GLIS3: variants seen among roughly 807,000 people sequenced by gnomAD.
The protein encoded by GLIS3 is GLIS family zinc finger 3.
In GLIS3, 53 loss-of-function variants were observed where a neutral mutation model predicts 78.6. The observed-to-expected ratio is 0.67, with a 90% CI of 0.54 to 0.85. The LOEUF (loss-of-function observed/expected upper bound fraction) is 0.85, where lower values mean the gene tolerates loss of function less well. Among genes scored for constraint, GLIS3 ranks in the 40% least tolerant of loss-of-function variants. The pLI is 0.00. For missense variants in GLIS3, 1,703 were observed against 1,231.1 expected, an observed-to-expected ratio of 1.38 and a Z score of -5.74; for synonymous variants, 684 against 509.9, an observed-to-expected ratio of 1.34 and a Z score of -4.60.
intron 4 of GLIS3, among the ~76,000 whole-genome samples, chr9:4,115,965 C>T (rs1314600671): frequency 6.6e-6 from 1 of 152,136 alleles, no homozygotes; most frequent in East Asian, 1.9e-4. Flanking sequence ...TATGCATAAG[C>T]CTGCGAACAT....
chr9:4,231,902 G>A (rs1387710768), intron 2 of GLIS3, among the ~76,000 whole-genome samples: 2 of 152,176 alleles, frequency 1.3e-5, no homozygotes, highest in South Asian at 2.1e-4. Context: ...AAAGCCCTGT[G>A]GTTGTCATTA....
At chr9:4,090,355 A>G (rs1475561148) in intron 4 of GLIS3, among the ~76,000 whole-genome samples, 1 of 152,144 alleles carries the variant, frequency 6.6e-6, no homozygotes, top group African/African-American at 2.4e-5. Flanking sequence ...CGAGGATCTA[A>G]AACTGATTCA....
At chr9:3,953,078 T>C (rs1365645345) in intron 4 of GLIS3, among the ~76,000 whole-genome samples, 1 of 152,210 alleles carries the variant, frequency 6.6e-6, no homozygotes, top group African/African-American at 2.4e-5. Flanking sequence ...CTTGTTTTTT[T>C]CTGGGATTTG....
intron 2 of GLIS3, among the ~76,000 whole-genome samples, chr9:4,132,953 T>C (rs1253132757): frequency 6.6e-6 from 1 of 152,094 alleles, no homozygotes; most frequent in Non-Finnish European, 1.5e-5. Flanking sequence ...AATACCTAAC[T>C]CATAAGGTTG....
chr9:3,968,575 T>C (rs1035202739), intron 4 of GLIS3, among the ~76,000 whole-genome samples: 3 of 152,288 alleles, frequency 2.0e-5, no homozygotes, highest in African/African-American at 7.2e-5. Context: ...GCTAAGGTAT[T>C]GTATTTTTAT....
chr9:4,261,726 T>C (rs1825545925), intron 2 of GLIS3, among the ~76,000 whole-genome samples: 1 of 152,166 alleles, frequency 6.6e-6, no homozygotes, highest in Non-Finnish European at 1.5e-5. Context: ...AAACCCGCAA[T>C]TTCACTAAAC....
the GLIS3 span, among the ~76,000 whole-genome samples, chr9:4,468,644 G>T: frequency 6.6e-6 from 1 of 152,206 alleles, no homozygotes; most frequent in South Asian, 2.1e-4. Context: ...AGCACTAAAC[G>T]TGGAAAGGAA....
At chr9:4,139,592 C>T (rs1337101912) in intron 2 of GLIS3, among the ~76,000 whole-genome samples, 1 of 152,046 alleles carries the variant, frequency 6.6e-6, no homozygotes, top group African/African-American at 2.4e-5. Flanking sequence ...GGAGGGTAGT[C>T]TAAGCCAGCA....
At chr9:4,024,062 C>T (rs1326482585) in intron 4 of GLIS3, among the ~76,000 whole-genome samples, 4 of 151,950 alleles carry the variant, frequency 2.6e-5, no homozygotes, top group Admixed American at 6.5e-5. Flanking sequence ...TGGTCCTCCT[C>T]CACAGGTGGT....
chr9:3,944,112 G>A (rs902064594), intron 4 of GLIS3, among the ~76,000 whole-genome samples: 12 of 152,162 alleles, frequency 7.9e-5, no homozygotes, highest in African/African-American at 2.9e-4. Context: ...TTTGGGTCAT[G>A]AGGAAGCAGC....
chr9:4,413,933 T>C, the GLIS3 span, among the ~76,000 whole-genome samples: 69 of 152,294 alleles, frequency 4.5e-4, no homozygotes, highest in African/African-American at 1.6e-3. Flanking sequence ...GGAATTTAAC[T>C]ATACCCAAGG....
chr9:4,143,046 CA>C (rs1244842187), intron 2 of GLIS3, among the ~76,000 whole-genome samples: 1 of 151,776 alleles, frequency 6.6e-6, no homozygotes, highest in Non-Finnish European at 1.5e-5. Flanking sequence ...GCAAAATATC[CA>C]GAAAAAAAGA....
At chr9:4,439,000 G>C in the GLIS3 span, among the ~76,000 whole-genome samples, 6 of 152,236 alleles carry the variant, frequency 3.9e-5, no homozygotes, top group Admixed American at 1.3e-4. Flanking sequence ...CAACTTTTAA[G>C]AATCACAGAC....
intron 4 of GLIS3, among the ~76,000 whole-genome samples, chr9:3,945,105 G>C (rs534114482): frequency 6.6e-6 from 1 of 152,264 alleles, no homozygotes; most frequent in African/African-American, 2.4e-5. Context: ...CCACCTCTCA[G>C]CACTGACACA....
At chr9:4,141,205 G>A (rs556914875) in intron 2 of GLIS3, among the ~76,000 whole-genome samples, 14 of 152,314 alleles carry the variant, frequency 9.2e-5, no homozygotes, top group South Asian at 8.3e-4. Flanking sequence ...GTGCCTCTAG[G>A]AGGGAGACAG....
intron 4 of GLIS3, among the ~76,000 whole-genome samples, chr9:4,049,372 T>C (rs7863479): frequency 0.19 from 28,484 of 152,098 alleles, 3,139 homozygotes; most frequent in African/African-American, 0.3. Context: ...TGTTAAAGGA[T>C]AAAAGCCTAG....
chr9:4,358,791 C>G, the GLIS3 span, among the ~76,000 whole-genome samples: 2 of 152,148 alleles, frequency 1.3e-5, no homozygotes, highest in Non-Finnish European at 2.9e-5. Context: ...AACAGATAAC[C>G]TATATGGTAA....
chr9:4,110,947 G>A (rs10814848), intron 4 of GLIS3, among the ~76,000 whole-genome samples: 64,415 of 152,016 alleles, frequency 0.42, 15,789 homozygotes, highest in East Asian at 0.69. Flanking sequence ...ATTCTATCTG[G>A]ACCCTAAAAT....
intron 2 of GLIS3, among the ~76,000 whole-genome samples, chr9:4,137,718 G>C (rs900127537): frequency 9.9e-5 from 15 of 152,190 alleles, no homozygotes; most frequent in African/African-American, 3.6e-4. Context: ...CAACTAATTA[G>C]TAGAGAGTGC....
Sources: gnomAD v4.1 joint callset for allele counts (sites outside exome capture counted in the v4.1 genomes callset) on GRCh38, gnomAD v4.1.1 for gene constraint, MANE v1.5 for transcripts, NCBI Gene and HGNC (gene_info 2026-07-23, HGNC 2026-07-21) for gene names.